Variants in FOXN2 observed in about 807,000 individuals in gnomAD.
FOXN2 encodes the protein forkhead box N2, also known as forkhead box protein N2.
In FOXN2, 19 loss-of-function variants were observed where a neutral mutation model predicts 41.2. The ratio of observed to expected loss-of-function variants is 0.46; its 90% CI spans 0.32 to 0.68. FOXN2 has a LOEUF of 0.68. Ranked by LOEUF, FOXN2 falls within the 30% of genes least tolerant of loss-of-function variation. The pLI is 0.03. For missense variants in FOXN2, 587 were observed against 509.4 expected, an observed-to-expected ratio of 1.15 and a Z score of -1.47; for synonymous variants, 195 against 176.8, an observed-to-expected ratio of 1.10 and a Z score of -0.82.
At chr2:48,360,687 TATTA>T (rs1160487234) in intron 4 of FOXN2, among the ~76,000 whole-genome samples, 18 of 152,164 alleles carry the variant, frequency 1.2e-4, no homozygotes, top group Admixed American at 1.1e-3. Context: ...TTGATATCTT[TATTA>T]ATTAATTTTG....
intron 5 of FOXN2, among the ~76,000 whole-genome samples, chr2:48,372,760 A>G (rs1341715837): frequency 1.3e-5 from 2 of 152,064 alleles, no homozygotes; most frequent in African/African-American, 4.8e-5. Flanking sequence ...AAACAATAAT[A>G]ATTATTTTTG....
rs1308045226 is a variant in FOXN2 at position 48,377,140 on chromosome 2, A to T, written c.*1697A>T. 3.9e-5 allele frequency: 6 copies of T among 152,098 alleles called. No individual in the cohort carries two copies. Among genetic ancestry groups the T allele is most frequent in the East Asian group, 1.9e-4 (1 of 5,188 alleles). The allele number at this position is 152,098 out of a possible 1,614,324, so 9.4% of individuals were successfully genotyped here. On this transcript the variant is annotated 3_prime_UTR_variant, in exon 7 of 7. Coordinates refer to ENST00000340553, the MANE Select transcript of FOXN2 (RefSeq NM_002158.4). ...TTTAACCTGGATAGCCACATTAATG[A>T]ATTGGTGCTGTCAAAATATAGTAAT...
In FOXN2 at chr2:48,377,962, TGTAATAAAG is replaced by T. The variant is rs1303019455; in HGVS notation, c.*2520_*2528del. The stretch of plus-strand genomic sequence containing the variant: ...ATTCCCTATAATATACAAATTTTCC[TGTAATAAAG>T]TCAACTTAGAAACTCCAAGGAGGTT... On this transcript the variant is annotated 3_prime_UTR_variant, in exon 7 of 7. Transcript: ENST00000340553. 1.1e-4 allele frequency: 17 copies of T among 152,030 alleles called. No homozygotes were observed. Among genetic ancestry groups the T allele is most frequent in the African/African-American group, 3.9e-4 (16 of 41,448 alleles). The allele number at this position is 152,030 out of a possible 1,614,324, so 9.4% of individuals were successfully genotyped here. A position where few individuals can be genotyped will look rare whatever the true frequency, so the allele number is the denominator to read the frequency against.
chr2:48,346,708 C>T lies in FOXN2; in HGVS notation c.494C>T (p.Ser165Phe). The change falls in exon 3 of 7, where the codon TCC (serine) becomes TTC (phenylalanine). Residue 165 changes from serine (S) to phenylalanine (F), a missense_variant. Transcript: ENST00000340553. ...GWKNSVRHNL[S>F]LNKCFQKVER... is the part of the protein sequence containing the mutation. ...AAGAATTCTGTTCGACATAATCTGT[C>T]CCTGAATAAATGTTTTCAGAAAGTG... 6.2e-7 allele frequency: 1 copy of T among 1,603,574 alleles called. No homozygotes were observed. Among genetic ancestry groups the T allele is most frequent in the Non-Finnish European group, 8.5e-7 (1 of 1,177,002 alleles).
chr2:48,346,072 G>A (rs1398079081), intron 2 of FOXN2, 129 bp from the exon 3 acceptor site: 13 of 706,750 alleles, frequency 1.8e-5, no homozygotes, highest in Non-Finnish European at 3.1e-5. Flanking sequence ...CAAATGTTGT[G>A]CTTAAATATT....
intron 2 of FOXN2, among the ~76,000 whole-genome samples, chr2:48,342,107 A>G (rs1303563693): frequency 6.6e-6 from 1 of 152,214 alleles, no homozygotes; most frequent in African/African-American, 2.4e-5. Context: ...TAAGCACATT[A>G]AAGAAAAATT....
At position 48,346,596 on chromosome 2, in the gene FOXN2, T is replaced by A; in HGVS notation, c.382T>A (p.Ser128Thr). ...SLLIYMAIEH[S>T]PNKCLPVKEI... is the part of the protein sequence containing the mutation. ...TCTCATTTATATGGCCATTGAGCAC[T>A]CTCCAAATAAATGTTTGCCTGTCAA... Residue 128 changes from serine to threonine, a missense_variant, in exon 3 of 7, where the codon TCT becomes ACT. Transcript: ENST00000340553. 1.2e-6 allele frequency: 2 copies of A among 1,614,104 alleles called. No individual in the cohort carries two copies. The highest frequency in any genetic ancestry group is 1.3e-5 in the African/African-American group (1 of 75,036).
At chr2:48,343,823 T>G (rs760231555) in intron 2 of FOXN2, among the ~76,000 whole-genome samples, 1 of 152,100 alleles carries the variant, frequency 6.6e-6, no homozygotes, top group South Asian at 2.1e-4. Context: ...AGGGCATTTA[T>G]TGAACTAAGG....
chr2:48,355,062 C>A (rs1671700700), intron 3 of FOXN2, among the ~76,000 whole-genome samples: 1 of 152,032 alleles, frequency 6.6e-6, no homozygotes, highest in African/African-American at 2.4e-5. Flanking sequence ...TCTGATTTCT[C>A]CCCTAGAGTA....
chr2:48,364,604 T>G (rs1165589176), intron 5 of FOXN2, among the ~76,000 whole-genome samples: 2 of 152,272 alleles, frequency 1.3e-5, no homozygotes, highest in Non-Finnish European at 2.9e-5. Flanking sequence ...GATTGAATTT[T>G]TTAGTAATAT....
intron 4 of FOXN2, among the ~76,000 whole-genome samples, chr2:48,360,132 G>A (rs1441608167): frequency 1.3e-5 from 2 of 151,904 alleles, no homozygotes; most frequent in Non-Finnish European, 2.9e-5. Context: ...TGATCTTCTA[G>A]CTTCCTCATT....
chr2:48,340,310 T>A (rs1670661300), intron 2 of FOXN2, among the ~76,000 whole-genome samples: 1 of 152,196 alleles, frequency 6.6e-6, no homozygotes, highest in African/African-American at 2.4e-5. Context: ...TCTTATGTAG[T>A]CTCTGAAGCA....
chr2:48,346,291 A>T lies in FOXN2; in HGVS notation c.77A>T (p.Gln26Leu). ...GCTGAAAAGATTGCAGGATTAAGCC[A>T]GATTTACAAAATGGGAAGCTTGCCT... ...PGAEKIAGLS[Q>L]IYKMGSLPEA... The change falls in exon 3 of 7, where the codon CAG becomes CTG. Residue 26 changes from glutamine to leucine, a missense_variant. Gln to Leu is a moderately radical substitution (Grantham distance 113). Transcript: ENST00000340553. 1 of 1,614,222 alleles carries T rather than the reference A, an allele frequency of 6.2e-7. No homozygotes were observed. The highest frequency in any genetic ancestry group is 8.5e-7 in the Non-Finnish European group (1 of 1,180,020).
chr2:48,316,161 C>T (rs1478763968), intron 1 of FOXN2, among the ~76,000 whole-genome samples: 1 of 152,114 alleles, frequency 6.6e-6, no homozygotes, highest in African/African-American at 2.4e-5. Context: ...CCATTCATGC[C>T]TGTACCTGTT....
rs982203527 is a variant in FOXN2, at chr2:48,377,517, G to A, written c.*2074G>A. 3 of 152,042 alleles carry A rather than the reference G, an allele frequency of 2.0e-5. No individual in the cohort carries two copies. The South Asian group carries it at 6.2e-4, about 31-fold the overall frequency. 9.4% of individuals were successfully genotyped at this position (152,042 alleles called of 1,614,324 possible). On this transcript the variant is annotated 3_prime_UTR_variant, in exon 7 of 7. Coordinates refer to ENST00000340553, the MANE Select transcript of FOXN2 (RefSeq NM_002158.4). Reference sequence around the variant, plus strand: ...AATTACTCTTTATAAGGAAAGGAAAGAGAAGCAGAGTTAGTTCCAGCTCTA... The same window carrying A: ...AATTACTCTTTATAAGGAAAGGAAAAAGAAGCAGAGTTAGTTCCAGCTCTA...
chr2:48,375,286 A>C lies in FOXN2; in HGVS notation c.1139A>C (p.Gln380Pro), dbSNP rs1345981721. Reference protein sequence around the residue: ...QPCAKISEKGQSGKKMRKQTC... With the variant: ...QPCAKISEKGPSGKKMRKQTC... ...TGTGCAAAAATCTCTGAAAAAGGGC[A>C]GTCAGGCAAAAAGATGCGAAAACAG... The change falls in exon 7 of 7, where the codon CAG becomes CCG. Residue 380 changes from glutamine (Q) to proline (P), a missense_variant. Gln to Pro is a moderately conservative substitution (Grantham distance 76). Coordinates refer to ENST00000340553, the MANE Select transcript of FOXN2 (RefSeq NM_002158.4). 6.2e-7 allele frequency: 1 copy of C among 1,614,098 alleles called. No homozygotes were observed. Among genetic ancestry groups the C allele is most frequent in the South Asian group, 1.1e-5 (1 of 91,086 alleles).
At chr2:48,351,300 C>G (rs1671432510) in intron 3 of FOXN2, among the ~76,000 whole-genome samples, 1 of 147,706 alleles carries the variant, frequency 6.8e-6, no homozygotes, top group Admixed American at 6.7e-5. Flanking sequence ...TTTTGTGAGA[C>G]AGAGTCTCCC....
chr2:48,374,569 A>G (rs992606221), intron 6 of FOXN2, among the ~76,000 whole-genome samples: 1 of 152,152 alleles, frequency 6.6e-6, no homozygotes, highest in Non-Finnish European at 1.5e-5. Context: ...AGGCATCCAG[A>G]AGGATTTGTA....
At chr2:48,314,320 C>T (rs1668739772), upstream of FOXN2, among the ~76,000 whole-genome samples, 1 of 152,254 alleles carries the variant, frequency 6.6e-6, no homozygotes. Flanking sequence ...GGTCCTTCCT[C>T]GGACATGCGA....
Sources: gnomAD v4.1 joint callset for allele counts (sites outside exome capture counted in the v4.1 genomes callset) on GRCh38, gnomAD v4.1.1 for gene constraint, MANE v1.5 for transcripts, NCBI Gene and HGNC (gene_info 2026-07-23, HGNC 2026-07-21) for gene names.